The following PPP1CC variants were observed in gnomAD, a reference collection of about 807,000 sequenced individuals.
PPP1CC encodes the protein protein phosphatase 1 catalytic subunit gamma, also known as serine/threonine-protein phosphatase PP1-gamma catalytic subunit.
Under a neutral mutation model 38.4 loss-of-function variants are expected in PPP1CC, and 16 were observed. That is an observed-to-expected ratio of 0.42 (90% CI 0.28 to 0.63). The LOEUF (loss-of-function observed/expected upper bound fraction) is 0.63, where lower values mean the gene tolerates loss of function less well. Ranked by LOEUF, PPP1CC falls within the 30% of genes least tolerant of loss-of-function variation. The probability of loss-of-function intolerance (pLI) is 0.25; values close to 1 mark genes in which losing one functional copy is unlikely to be tolerated. For synonymous variants in PPP1CC, 158 were observed against 136.0 expected, an observed-to-expected ratio of 1.16 and a Z score of -1.13; for missense variants, 170 against 391.3, an observed-to-expected ratio of 0.43 and a Z score of 4.77.
intron 1 of PPP1CC, among the ~76,000 whole-genome samples, chr12:110,741,104 A>C (rs1264092829): frequency 6.6e-6 from 1 of 152,212 alleles, no homozygotes; most frequent in Non-Finnish European, 1.5e-5. Context: ...AAGAATGACA[A>C]GGTTTTCACC....
intron 4 of PPP1CC, among the ~76,000 whole-genome samples, chr12:110,724,160 C>T (rs1007859266): frequency 6.6e-6 from 1 of 152,106 alleles, no homozygotes; most frequent in African/African-American, 2.4e-5. Context: ...ATGGCGTGAA[C>T]CTGGGAGGCA....
At chr12:110,727,071 G>A (rs558742061) in intron 3 of PPP1CC, among the ~76,000 whole-genome samples, 4 of 152,136 alleles carry the variant, frequency 2.6e-5, no homozygotes, top group African/African-American at 9.7e-5. Context: ...CTGAGTGTCC[G>A]CGACTACAGG....
In PPP1CC at chr12:110,722,351, A is replaced by G. The variant is rs891159675; in HGVS notation, c.748-82T>C. The G allele has an allele frequency of 3.8e-6, 6 of 1,570,614 alleles. No individual in the cohort carries two copies. The highest frequency in any genetic ancestry group is 2.7e-5 in the African/African-American group (2 of 73,544). ...ATGTTTCAGTTTCCCATTGAGCCTG[A>G]TATCTTGTGTTCCAGAAACACTTTG... On this transcript the variant is annotated intron_variant, in intron 5 of 6. Transcript: ENST00000335007. This position sits in a 1 kb window ranked among gnomAD's most constrained non-coding sequence, Gnocchi z 5.4.
At chr12:110,725,864 C>A (rs112678750) in intron 3 of PPP1CC, 2,925 of 152,266 alleles carry the variant, frequency 0.019, 74 homozygotes, top group African/African-American at 0.061. Flanking sequence ...GAGTTTGAGA[C>A]CAGCCTGACC....
chr12:110,710,186 T>C, the PPP1CC span, among the ~76,000 whole-genome samples: 2,625 of 151,982 alleles, frequency 0.017, 83 homozygotes, highest in African/African-American at 0.059. Flanking sequence ...TGAGGTCTAA[T>C]ACACCTCATT....
downstream of PPP1CC, among the ~76,000 whole-genome samples, chr12:110,718,270 T>G (rs2136533495): frequency 6.6e-6 from 1 of 152,198 alleles, no homozygotes; most frequent in South Asian, 2.1e-4. Context: ...TATGGGAGGG[T>G]ATTACATAGA....
chr12:110,736,882 T>C (rs2069949657), intron 1 of PPP1CC, among the ~76,000 whole-genome samples: 1 of 152,254 alleles, frequency 6.6e-6, no homozygotes, highest in South Asian at 2.1e-4. Flanking sequence ...TAGCATATAC[T>C]AAAAAAGCCC....
At chr12:110,712,740 C>A in the PPP1CC span, among the ~76,000 whole-genome samples, 1 of 144,324 alleles carries the variant, frequency 6.9e-6, no homozygotes, top group Non-Finnish European at 1.5e-5. Flanking sequence ...CTGCAAAATG[C>A]TTTTCTGATC....
At chr12:110,718,761 C>A (rs931493584), downstream of PPP1CC, among the ~76,000 whole-genome samples, 2 of 152,176 alleles carry the variant, frequency 1.3e-5, no homozygotes, top group Non-Finnish European at 2.9e-5. Context: ...ATTCAGGTCA[C>A]TCACTCAAAT....
chr12:110,716,620 C>T (rs144371722), downstream of PPP1CC, among the ~76,000 whole-genome samples: 768 of 152,276 alleles, frequency 5.0e-3, 9 homozygotes, highest in African/African-American at 0.017. Context: ...CCCAATCACG[C>T]TGGAATTACA....
intron 1 of PPP1CC, among the ~76,000 whole-genome samples, chr12:110,733,634 C>A (rs770127489): frequency 1.3e-5 from 2 of 152,244 alleles, no homozygotes; most frequent in Non-Finnish European, 2.9e-5. Context: ...AAAAATTCTT[C>A]TTTTTTGAAG....
At chr12:110,738,211 C>A (rs1048633437) in intron 1 of PPP1CC, among the ~76,000 whole-genome samples, 7 of 152,060 alleles carry the variant, frequency 4.6e-5, no homozygotes, top group Non-Finnish European at 1.0e-4. Context: ...AGATTTCAGA[C>A]AAATCACCAA....
At position 110,719,975 on chromosome 12, in the gene PPP1CC, GA is replaced by G; in HGVS notation, c.*1100del. The stretch of plus-strand genomic sequence containing the variant: ...ACGGTATTGTACACGGTCATCTGTT[GA>G]AACAGATTTCTTTTTTAACAGATCT... On this transcript the variant is annotated 3_prime_UTR_variant, in exon 7 of 7. Coordinates refer to ENST00000335007, the MANE Select transcript of PPP1CC (RefSeq NM_002710.4). The G allele has an allele frequency of 1.6e-6, 1 of 621,742 alleles. No individual in the cohort carries two copies. Among genetic ancestry groups the G allele is most frequent in the South Asian group, 2.1e-5 (1 of 48,032 alleles). The allele number at this position is 621,742 out of a possible 1,614,324, so 38.5% of individuals were successfully genotyped here.
chr12:110,714,799 C>CT (rs1363501155), downstream of PPP1CC, among the ~76,000 whole-genome samples: 1 of 91,254 alleles, frequency 1.1e-5, no homozygotes, highest in Non-Finnish European at 1.9e-5. Context: ...GAGCAAGACT[C>CT]TGTCTCAAAA....
chr12:110,719,843 A>G lies in PPP1CC; in HGVS notation c.*1233T>C, dbSNP rs1034565707. On this transcript the variant is annotated 3_prime_UTR_variant, in exon 7 of 7. Transcript: ENST00000335007. ...CAGAGCAATTTATTCAGGAAAATCT[A>G]TTCAATATGCCATCAACAGTTCTCC... The G allele has an allele frequency of 3.0e-6, 1 of 338,128 alleles. No homozygotes were observed. The highest frequency in any genetic ancestry group is 8.0e-4 in the Middle Eastern group (1 of 1,256). The allele number at this position is 338,128 out of a possible 1,614,324, so 20.9% of individuals were successfully genotyped here.
intron 3 of PPP1CC, among the ~76,000 whole-genome samples, chr12:110,726,929 G>A (rs2069806028): frequency 6.6e-6 from 1 of 152,122 alleles, no homozygotes; most frequent in African/African-American, 2.4e-5. Context: ...TTTCCCCAAG[G>A]TCAGCTTCAC....
intron 1 of PPP1CC, among the ~76,000 whole-genome samples, chr12:110,740,220 A>T (rs1011522500): frequency 6.6e-6 from 1 of 152,156 alleles, no homozygotes; most frequent in African/African-American, 2.4e-5. Flanking sequence ...GTCACAAGTC[A>T]TATTCCCTCT....
chr12:110,732,663 C>T (rs935835796), intron 1 of PPP1CC: 2 of 152,182 alleles, frequency 1.3e-5, no homozygotes, highest in Non-Finnish European at 2.9e-5. Context: ...CAGTCATGTG[C>T]TATACTGTAA....
At chr12:110,734,274 G>C (rs753465085) in intron 1 of PPP1CC, among the ~76,000 whole-genome samples, 15 of 152,208 alleles carry the variant, frequency 9.9e-5, no homozygotes, top group Non-Finnish European at 2.1e-4. Flanking sequence ...TTTGTTGCAT[G>C]ACTGAAATCT....
Sources: gnomAD v4.1 joint callset for allele counts (sites outside exome capture counted in the v4.1 genomes callset) on GRCh38, gnomAD v4.1.1 for gene constraint, Gnocchi (gnomAD v3.1) non-coding constraint, MANE v1.5 for transcripts, NCBI Gene and HGNC (gene_info 2026-07-23, HGNC 2026-07-21) for gene names.